The following CENPI variants were observed in gnomAD, a reference collection of about 807,000 sequenced individuals.
CENPI encodes FSH primary response 1.
In CENPI, 4 loss-of-function variants were observed where a neutral mutation model predicts 60.4. The observed-to-expected ratio is 0.07, with a 90% confidence interval of 0.03 to 0.15. The LOEUF (loss-of-function observed/expected upper bound fraction) is 0.15. Ranked by LOEUF, CENPI falls within the 10% of genes least tolerant of loss-of-function variation. The pLI is 1.00. For synonymous variants in CENPI, 157 were observed against 189.4 expected, an observed-to-expected ratio of 0.83 and a Z score of 1.40; for missense variants, 444 against 534.5, an observed-to-expected ratio of 0.83 and a Z score of 1.67.
Position 101,134,761 on chromosome X carries a change from T to G in CENPI, c.1470+2305T>G, listed in dbSNP as rs971339709. The stretch of plus-strand genomic sequence containing the variant: ...GGAATTGGCTGGGTGCGGTGGCTCA[T>G]GCCTGTAATCCCAGCACTTTGGGAG... On this transcript the variant is annotated intron_variant, in intron 15 of 21. Transcript: ENST00000682095. 1.5e-4 allele frequency among the ~76,000 whole-genome samples: 17 copies of G among 111,447 alleles called. 1 individual carries two copies. The highest frequency in any genetic ancestry group is 1.9e-5 in the Non-Finnish European group (1 of 53,134).
At chrX:101,121,802 C>CTTT (rs746498873) in intron 8 of CENPI, among the ~76,000 whole-genome samples, 5 of 79,646 alleles carry the variant, frequency 6.3e-5, no homozygotes, top group Admixed American at 1.5e-4. Flanking sequence ...TCTAGGAAAG[C>CTTT]TTTTTTTTTT....
chrX:101,103,052 T>C (rs1203285856), intron 4 of CENPI, among the ~76,000 whole-genome samples: 1 of 106,084 alleles, frequency 9.4e-6, no homozygotes, highest in Non-Finnish European at 1.9e-5. Context: ...TGGAGTGCAG[T>C]GGCGCAATCT....
chrX:101,167,627 T>C (rs1263123453), downstream of CENPI, among the ~76,000 whole-genome samples: 2 of 111,865 alleles, frequency 1.8e-5, no homozygotes, highest in South Asian at 7.5e-4. Context: ...TGTGAAGAGT[T>C]CAGTGGAACT....
chrX:101,125,586 T>C (rs910273495), intron 8 of CENPI, among the ~76,000 whole-genome samples: 3 of 110,794 alleles, frequency 2.7e-5, no homozygotes, highest in African/African-American at 9.8e-5. Flanking sequence ...TTAGTAGAGA[T>C]GGGGTTTCAC....
chrX:101,168,353 G>A (rs12856059), downstream of CENPI, among the ~76,000 whole-genome samples: 1 of 112,036 alleles, frequency 8.9e-6, no homozygotes, highest in East Asian at 2.8e-4. Flanking sequence ...ATCACTTGAG[G>A]CCAGGAGTTC....
intron 15 of CENPI, among the ~76,000 whole-genome samples, chrX:101,138,180 G>A (rs1418721344): frequency 2.0e-5 from 2 of 101,302 alleles, no homozygotes; most frequent in Non-Finnish European, 4.0e-5. Flanking sequence ...TAGAGATGGC[G>A]TTTCACCATG....
At chrX:101,172,824 C>T in the CENPI span, among the ~76,000 whole-genome samples, 7 of 110,724 alleles carry the variant, frequency 6.3e-5, no homozygotes, top group Admixed American at 3.9e-4. Context: ...GATGAGTAAT[C>T]TTAAAGCTCT....
At position 101,163,870 on chromosome X, in the gene CENPI, C is replaced by T. The variant is rs1436476345; in HGVS notation, c.*903C>T. On this transcript the variant is annotated 3_prime_UTR_variant, in exon 22 of 22. Coordinates refer to ENST00000682095, the MANE Select transcript of CENPI (RefSeq NM_001386188.2). ...CCAATATGGTAAAACCCTGTCTCTA[C>T]TAAAAATACAAAAAATTGGCCGGGC... Among the ~76,000 whole-genome samples the T allele has an allele frequency of 9.0e-6, 1 of 111,244 alleles. No homozygotes were observed. Among genetic ancestry groups the T allele is most frequent in the African/African-American group, 3.3e-5 (1 of 30,615 alleles).
At position 101,163,250 on chromosome X, in the gene CENPI, G is replaced by T; in HGVS notation, c.*283G>T. 4.3e-6 allele frequency: 1 copy of T among 232,332 alleles called. No individual in the cohort carries two copies. Among genetic ancestry groups the T allele is most frequent in the Non-Finnish European group, 7.6e-6 (1 of 131,880 alleles). 19.1% of individuals were successfully genotyped at this position (232,332 alleles called of 1,213,427 possible). A position where few individuals can be genotyped will look rare whatever the true frequency, so the allele number is the denominator to read the frequency against. On this transcript the variant is annotated 3_prime_UTR_variant, in exon 22 of 22. Transcript: ENST00000682095. ...AAAAGACACATCTGTTTTGTGGTAG[G>T]ATTTTTTCACATTTTTGGGTACTAT...
At chrX:101,151,736 A>G (rs1371617497) in intron 20 of CENPI, among the ~76,000 whole-genome samples, 1 of 106,253 alleles carries the variant, frequency 9.4e-6, no homozygotes, top group Non-Finnish European at 1.9e-5. Flanking sequence ...CAGGAGGCTG[A>G]GGCATGAGAA....
rs1351597664 is a variant in CENPI at position 101,098,544 on chromosome X, G to A, written c.-14+5G>A. ...GTTCCAGGGAGGTGGGATTGAGTAAGTGTCATTCCGACTATTCCTTTAGTT... is the reference window on the plus strand; with the variant it reads ...GTTCCAGGGAGGTGGGATTGAGTAAATGTCATTCCGACTATTCCTTTAGTT... On this transcript the variant is annotated splice_donor_5th_base_variant and intron_variant, in intron 2 of 21. Coordinates refer to ENST00000682095, the MANE Select transcript of CENPI (RefSeq NM_001386188.2). The A allele has an allele frequency of 1.8e-5, 2 of 111,588 alleles. No homozygotes were observed. Among genetic ancestry groups the A allele is most frequent in the Non-Finnish European group, 3.8e-5 (2 of 53,151 alleles). 9.2% of individuals were successfully genotyped at this position (111,588 alleles called of 1,213,427 possible). A position where few individuals can be genotyped will look rare whatever the true frequency, so the allele number is the denominator to read the frequency against.
chrX:101,171,209 A>G, the CENPI span, among the ~76,000 whole-genome samples: 22 of 111,653 alleles, frequency 2.0e-4, no homozygotes, highest in Non-Finnish European at 3.9e-4. Context: ...TTTAGGGCCA[A>G]TGTGATTTTC....
At chrX:101,112,145 G>A (rs925802818) in intron 6 of CENPI, among the ~76,000 whole-genome samples, 16 of 112,479 alleles carry the variant, frequency 1.4e-4, no homozygotes, top group African/African-American at 4.2e-4. Context: ...ACAACTGGCC[G>A]TATCTGTTGC....
At chrX:101,146,977 C>A (rs2089967773) in intron 18 of CENPI, among the ~76,000 whole-genome samples, 1 of 111,602 alleles carries the variant, frequency 9.0e-6, no homozygotes, top group Admixed American at 9.6e-5. Flanking sequence ...CTCAGGTAAT[C>A]CACCCACCTC....
intron 21 of CENPI, among the ~76,000 whole-genome samples, chrX:101,162,036 G>A (rs2090112582): frequency 9.1e-6 from 1 of 110,118 alleles, no homozygotes; most frequent in African/African-American, 3.3e-5. Flanking sequence ...TGCCTCCCGG[G>A]TTCAAGTGAT....
intron 20 of CENPI, among the ~76,000 whole-genome samples, chrX:101,157,649 CAAAAAAAAAAA>C (rs11337861): frequency 2.0e-5 from 1 of 49,134 alleles, no homozygotes; most frequent in Admixed American, 2.7e-4. Context: ...GACCTTGTCT[CAAAAAAAAAAA>C]AAAAAAAAAG....
intron 4 of CENPI, among the ~76,000 whole-genome samples, chrX:101,107,060 CAAAAAAAA>C (rs777807842): frequency 1.6e-5 from 1 of 62,151 alleles, no homozygotes. Flanking sequence ...GACCCTGTCT[CAAAAAAAA>C]AAAAAAAAAA....
In CENPI at chrX:101,165,018, A is replaced by C. The variant is rs138464836; in HGVS notation, c.*2051A>C. Among the ~76,000 whole-genome samples, 809 of 111,885 alleles carry C rather than the reference A, an allele frequency of 7.2e-3. 10 individuals are homozygous for C. The highest frequency in any genetic ancestry group is 0.025 in the African/African-American group (768 of 30,812). ...AAAGAGCATTCTGGACAAAGGTAAA[A>C]AACAAGTGAAAAGGCCCTAAAATGT... On this transcript the variant is annotated 3_prime_UTR_variant, in exon 22 of 22. Transcript: ENST00000682095.
intron 12 of CENPI, 69 bp downstream of exon 12, chrX:101,128,905 T>G (rs2089765644): frequency 1.0e-6 from 1 of 962,072 alleles, no homozygotes; most frequent in East Asian, 3.1e-5. Flanking sequence ...TGCCAAATTC[T>G]AGACAGCAGG....
Sources: allele counts gnomAD v4.1 joint callset (sites outside exome capture counted in the v4.1 genomes callset), GRCh38; gene constraint gnomAD v4.1.1; transcripts MANE v1.5; gene names NCBI Gene and HGNC (gene_info 2026-07-23, HGNC 2026-07-21).